PCNT: variants seen among roughly 807,000 people sequenced by gnomAD.
PCNT encodes kendrin.
A neutral mutation model predicts 380.4 loss-of-function variants in PCNT; 319 were observed. The observed-to-expected ratio is 0.84, with a 90% CI of 0.77 to 0.92. PCNT has a LOEUF of 0.92. PCNT is among the 40% of genes least tolerant of loss of function. The pLI, the probability that PCNT is intolerant of heterozygous loss-of-function variation, is 0.00. For synonymous variants in PCNT, 1,845 were observed against 1,735.2 expected (o/e 1.06, Z -1.57); for missense variants, 4,400 against 4,255.3 (o/e 1.03, Z -0.95).
Position 46,346,159 on chromosome 21 carries a change from C to T in PCNT, c.671C>T (p.Thr224Ile), listed in dbSNP as rs900604095. Residue 224 changes from threonine (T) to isoleucine (I), a missense_variant, in exon 4 of 47, where the codon ACT becomes ATT. Transcript: ENST00000359568. ...ECEQECELAI[T>I]DLESGREDEA... ...GAACAAGAATGTGAACTTGCCATTA[C>T]TGACCTGGAGAGCGGCCGTGAAGAT... 4 of 1,614,054 alleles carry T rather than the reference C, an allele frequency of 2.5e-6. No individual in the cohort carries two copies. In the African/African-American group the frequency reaches 5.3e-5, roughly 22 times the overall value.
At position 46,334,452 on chromosome 21, in the gene PCNT, A is replaced by G; in HGVS notation, c.323A>G (p.Gln108Arg). ...REDLEQLQQKQVNDHPPEQCG... is the reference protein window; with the variant it reads ...REDLEQLQQKRVNDHPPEQCG... ...GACTTGGAACAGCTGCAGCAGAAGC[A>G]AGTCAATGACCATCCTCCAGAGCAG... The change falls in exon 3 of 47, where the codon CAA (glutamine) becomes CGA (arginine). Residue 108 changes from glutamine (Q) to arginine (R), a missense_variant. Transcript: ENST00000359568. 1.2e-6 allele frequency: 2 copies of G among 1,614,244 alleles called. No homozygotes were observed. The highest frequency in any genetic ancestry group is 1.7e-6 in the Non-Finnish European group (2 of 1,180,046).
intron 8 of PCNT, among the ~76,000 whole-genome samples, chr21:46,350,739 T>G (rs532716949): frequency 6.6e-6 from 1 of 152,100 alleles, no homozygotes; most frequent in South Asian, 2.1e-4. Flanking sequence ...AGGCCGGGGC[T>G]CACTCCACAC....
intron 3 of PCNT, among the ~76,000 whole-genome samples, chr21:46,338,406 G>A (rs2083818528): frequency 6.6e-6 from 1 of 152,072 alleles, no homozygotes; most frequent in African/African-American, 2.4e-5. Context: ...TAATATGTAG[G>A]CTTTTGGGTC....
At chr21:46,421,948 C>T (rs373093718) in intron 31 of PCNT, 22 bp from the exon 32 acceptor site, 5 of 1,613,266 alleles carry the variant, frequency 3.1e-6, no homozygotes, top group African/African-American at 1.3e-5. Flanking sequence ...TGGGTGGGAC[C>T]CTGACCCTGT....
chr21:46,388,935 G>A lies in PCNT; in HGVS notation c.3607+51G>A. 1.3e-6 allele frequency: 2 copies of A among 1,548,872 alleles called. No homozygotes were observed. Among genetic ancestry groups the A allele is most frequent in the South Asian group, 1.2e-5 (1 of 85,788 alleles). On this transcript the variant is annotated intron_variant, in intron 18 of 46. Coordinates refer to ENST00000359568, the MANE Select transcript of PCNT (RefSeq NM_006031.6). The surrounding 1 kb of genome is among the most constrained non-coding windows in gnomAD (Gnocchi z 4.2). ...AGCCCTGTGCTTGCAGCCCCTCTGT[G>A]GTCCTGGAGCTCTCTGAGAGGAGCC...
intron 21 of PCNT, chr21:46,394,561 T>A (rs1236579981): frequency 2.0e-6 from 2 of 982,204 alleles, no homozygotes; most frequent in African/African-American, 3.5e-5. Context: ...ACGATTGATT[T>A]GTGTGTGACG....
chr21:46,402,400 C>T lies in PCNT; in HGVS notation c.5032C>T (p.His1678Tyr). The T allele has an allele frequency of 6.2e-7, 1 of 1,612,742 alleles. No homozygotes were observed. Among genetic ancestry groups the T allele is most frequent in the Non-Finnish European group, 8.5e-7 (1 of 1,178,750 alleles). ...DLESKNEEIL[H>Y]LNLKLDMQNS... ...AGAAAGTAAAAATGAAGAAATACTA[C>T]ATCTGAACTTAAAATTGGACATGCA... Residue 1678 changes from histidine (H) to tyrosine (Y), a missense_variant, in exon 27 of 47, where the codon CAT (histidine) becomes TAT (tyrosine). His to Tyr is a moderately conservative substitution (Grantham distance 83). Coordinates refer to ENST00000359568, the MANE Select transcript of PCNT (RefSeq NM_006031.6).
chr21:46,346,396 G>A (rs1601793878), intron 4 of PCNT, among the ~76,000 whole-genome samples, 188 bp downstream of exon 4: 1 of 152,320 alleles, frequency 6.6e-6, no homozygotes, highest in Middle Eastern at 3.4e-3. Flanking sequence ...CTGGGGGTCA[G>A]GGGGCTTGGT....
chr21:46,408,719 GTTTTT>G (rs34814770), intron 27 of PCNT, among the ~76,000 whole-genome samples: 2 of 110,588 alleles, frequency 1.8e-5, no homozygotes, highest in Non-Finnish European at 3.7e-5. Context: ...CTTTCAGAAA[GTTTTT>G]TTTTTTTTTT....
chr21:46,394,224 G>A (rs1246841362), intron 21 of PCNT, among the ~76,000 whole-genome samples: 1 of 152,176 alleles, frequency 6.6e-6, no homozygotes, highest in Non-Finnish European at 1.5e-5. Flanking sequence ...GCCCTGCCTC[G>A]CCGTGTTGCG....
In PCNT at chr21:46,401,555, A is replaced by C; in HGVS notation, c.4796A>C (p.Lys1599Thr). The change falls in exon 26 of 47, where the codon AAA becomes ACA. Residue 1599 changes from lysine (K) to threonine (T), a missense_variant. Lys to Thr is a moderately conservative substitution (Grantham distance 78). Transcript: ENST00000359568. ...GAGTTCTTTTTTTTTTAATAGGATA[A>C]AGAGGTGTTAAAGAAACAGCAGATG... ...KNIVKGLEQDKEVLKKQQMSS... is the reference protein window; with the variant it reads ...KNIVKGLEQDTEVLKKQQMSS... 6.2e-7 allele frequency: 1 copy of C among 1,613,110 alleles called. No homozygotes were observed.
At position 46,415,934 on chromosome 21, in the gene PCNT, T is replaced by G. The variant is rs543316104; in HGVS notation, c.6151-135T>G. The G allele has an allele frequency of 1.4e-4, 110 of 773,966 alleles. 1 individual carries two copies. Among genetic ancestry groups the G allele is most frequent in the South Asian group, 2.0e-4 (13 of 63,652 alleles). The allele number at this position is 773,966 out of a possible 1,614,324, so 47.9% of individuals were successfully genotyped here. On this transcript the variant is annotated intron_variant, in intron 29 of 46. Transcript: ENST00000359568. Reference sequence around the variant, plus strand: ...CTGTTTCTCATAGAATTAAATAAACTTGAAATGTGCAGGGCTCATTGTGGA... The same window carrying G: ...CTGTTTCTCATAGAATTAAATAAACGTGAAATGTGCAGGGCTCATTGTGGA...
intron 31 of PCNT, 79 bp from the exon 32 acceptor site, chr21:46,421,890 CT>C (rs2087266712): frequency 2.0e-6 from 3 of 1,525,766 alleles, no homozygotes; most frequent in Admixed American, 1.7e-5. Context: ...CCGATCACCC[CT>C]GTCCTGCCTC....
intron 4 of PCNT, among the ~76,000 whole-genome samples, chr21:46,346,453 C>T (rs1330557499): frequency 6.6e-6 from 1 of 152,168 alleles, no homozygotes; most frequent in African/African-American, 2.4e-5. Context: ...GCCGGTTGCT[C>T]TCCCTGTCAG....
intron 15 of PCNT, among the ~76,000 whole-genome samples, chr21:46,376,796 T>G (rs1192423868): frequency 6.6e-6 from 1 of 152,230 alleles, no homozygotes; most frequent in Non-Finnish European, 1.5e-5. Context: ...TAATTAAAGT[T>G]CTTTGGAAAC....
chr21:46,349,471 G>T (rs2084190371), intron 7 of PCNT, among the ~76,000 whole-genome samples: 1 of 152,142 alleles, frequency 6.6e-6, no homozygotes, highest in South Asian at 2.1e-4. Flanking sequence ...ATACTCCAGG[G>T]TTGTGTGTTC....
chr21:46,366,836 T>C lies in PCNT; in HGVS notation c.2862T>C (p.Ala954=). ...TGGCCGAACTGCAGACAAAACACGC[T>C]GCCGACCTCGGCGCTCTGGAGACCA... ...ARVAELQTKH[A]ADLGALETRH... The change falls in exon 15 of 47, where the codon GCT becomes GCC. Residue 954 remains alanine (A), a synonymous_variant. Transcript: ENST00000359568. The C allele has an allele frequency of 6.2e-7, 1 of 1,614,000 alleles. No homozygotes were observed. The highest frequency in any genetic ancestry group is 8.5e-7 in the Non-Finnish European group (1 of 1,180,048).
intron 30 of PCNT, among the ~76,000 whole-genome samples, chr21:46,417,718 C>T (rs111448416): frequency 1.3e-4 from 19 of 151,852 alleles, no homozygotes; most frequent in African/African-American, 3.4e-4. Context: ...CTGGGTAACA[C>T]GGTGAGACCC....
At position 46,388,834 on chromosome 21, in the gene PCNT, G is replaced by T. The variant is rs751935483; in HGVS notation, c.3557G>T (p.Arg1186Leu). ...ACCCTGAGGAGCCGGATCGGGGAGC[G>T]CGTGGGGCTCTGCCTGGATGACGCG... ...AVTLRSRIGE[R>L]VGLCLDDAGA... is the part of the protein sequence containing the mutation. Residue 1186 changes from arginine (R) to leucine (L), a missense_variant, in exon 18 of 47, where the codon CGC becomes CTC. Arg to Leu is a moderately radical substitution (Grantham distance 102). Transcript: ENST00000359568. This position sits in a 1 kb window ranked among gnomAD's most constrained non-coding sequence, Gnocchi z 4.2. 1 of 1,612,064 alleles carries T rather than the reference G, an allele frequency of 6.2e-7. No homozygotes were observed.
Sources: gnomAD v4.1 joint callset for allele counts (sites outside exome capture counted in the v4.1 genomes callset) on GRCh38, gnomAD v4.1.1 for gene constraint, Gnocchi (gnomAD v3.1) non-coding constraint, MANE v1.5 for transcripts, NCBI Gene and HGNC (gene_info 2026-07-23, HGNC 2026-07-21) for gene names.